KCNJ5: variants seen among roughly 807,000 people sequenced by gnomAD.
KCNJ5 encodes the protein potassium inwardly rectifying channel subfamily J member 5, also known as G protein-activated inward rectifier potassium channel 4.
In KCNJ5, 12 loss-of-function variants were observed where a neutral mutation model predicts 20.2. That is an observed-to-expected ratio of 0.59 (90% CI 0.38 to 0.96). The LOEUF (loss-of-function observed/expected upper bound fraction) is 0.96. Ranked by LOEUF, KCNJ5 falls within the 40% of genes least tolerant of loss-of-function variation. KCNJ5 has a pLI of 0.00. For synonymous variants in KCNJ5, 210 were observed against 213.9 expected, an observed-to-expected ratio of 0.98 and a Z score of 0.16; for missense variants, 449 against 557.6, an observed-to-expected ratio of 0.81 and a Z score of 1.96.
rs1382039850 is a variant in KCNJ5, at chr11:128,912,069, G to A, written c.796G>A (p.Asp266Asn). 1.2e-6 allele frequency: 2 copies of A among 1,613,774 alleles called. No homozygotes were observed. The highest frequency in any genetic ancestry group is 1.7e-6 in the Non-Finnish European group (2 of 1,180,016). Reference protein sequence around the residue: ...DINVGFDTGDDRLFLVSPLII... With the variant: ...DINVGFDTGDNRLFLVSPLII... ...CAACGTGGGCTTTGACACGGGCGAC[G>A]ACCGCCTCTTCCTTGTGTCTCCTCT... The change falls in exon 2 of 3, where the codon GAC becomes AAC. Residue 266 changes from aspartate (D) to asparagine (N), a missense_variant. Asp to Asn is a conservative substitution (Grantham distance 23). Coordinates refer to ENST00000529694, the MANE Select transcript of KCNJ5 (RefSeq NM_000890.5).
At chr11:128,902,254 G>T in intron 1 of KCNJ5, 1 of 444,818 alleles carries the variant, frequency 2.2e-6, no homozygotes, top group Non-Finnish European at 4.1e-6. Context: ...CCATTACATC[G>T]GCGCCAGGAA....
Position 128,911,213 on chromosome 11 carries a change from C to A in KCNJ5, c.-10-51C>A. 1 of 1,470,418 alleles carries A rather than the reference C, an allele frequency of 6.8e-7. No individual in the cohort carries two copies. The highest frequency in any genetic ancestry group is 1.1e-5 in the South Asian group (1 of 87,564). The allele number at this position is 1,470,418 out of a possible 1,614,324, so 91.1% of individuals were successfully genotyped here. ...TGGGGGTGGCCTTCCATCTTGTGTT[C>A]TAGTGAATCAGAACAGCCCACTTCA... On this transcript the variant is annotated intron_variant, in intron 1 of 2. Coordinates refer to ENST00000529694, the MANE Select transcript of KCNJ5 (RefSeq NM_000890.5). This position sits in a 1 kb window ranked among gnomAD's most constrained non-coding sequence, Gnocchi z 6.3.
In KCNJ5 at chr11:128,891,433, C is replaced by CAGAGAGAGAGAGAGAGAGAG. The variant is rs1286900771; in HGVS notation, c.-298_-297insGAGAGAGAGAGAGAGAGAGA. ...ACACACACACACACACACACACACA[C>CAGAGAGAGAGAGAGAGAGAG]ACACACACAGAGAGAGAGAGAGAGA... On this transcript the variant is annotated 5_prime_UTR_variant, in exon 1 of 3. Coordinates refer to ENST00000529694, the MANE Select transcript of KCNJ5 (RefSeq NM_000890.5). The CAGAGAGAGAGAGAGAGAGAG allele has an allele frequency of 1.1e-5, 1 of 88,348 alleles. No individual in the cohort carries two copies. Among genetic ancestry groups the CAGAGAGAGAGAGAGAGAGAG allele is most frequent in the African/African-American group, 4.9e-5 (1 of 20,428 alleles). 5.5% of individuals were successfully genotyped at this position (88,348 alleles called of 1,614,324 possible). A position where few individuals can be genotyped will look rare whatever the true frequency, so the allele number is the denominator to read the frequency against.
chr11:128,902,458 A>G, intron 1 of KCNJ5: 1 of 1,479,324 alleles, frequency 6.8e-7, no homozygotes, highest in Non-Finnish European at 9.2e-7. Context: ...AGGAGAAGGC[A>G]GCGAGGAACC....
At chr11:128,903,918 C>G (rs1344448977) in intron 1 of KCNJ5, among the ~76,000 whole-genome samples, 1 of 152,084 alleles carries the variant, frequency 6.6e-6, no homozygotes, top group Non-Finnish European at 1.5e-5. Context: ...CTCAGAACAA[C>G]CCCATCACAC....
intron 1 of KCNJ5, 33 bp downstream of exon 1, chr11:128,891,754 C>T (rs990652547): frequency 2.0e-5 from 3 of 152,358 alleles, no homozygotes; most frequent in African/African-American, 7.2e-5. Context: ...TCCATTTCTC[C>T]CCCAGCTCGC....
At position 128,911,591 on chromosome 11, in the gene KCNJ5, C is replaced by T; in HGVS notation, c.318C>T (p.Phe106=). Residue 106 remains phenylalanine, a synonymous_variant, in exon 2 of 3, where the codon TTC becomes TTT. Coordinates refer to ENST00000529694, the MANE Select transcript of KCNJ5 (RefSeq NM_000890.5). The surrounding 1 kb of genome is among the most constrained non-coding windows in gnomAD (Gnocchi z 6.3). ...VYTVTWLFFG[F]IWWLIAYIRG... The stretch of plus-strand genomic sequence containing the variant: ...CTGTCACCTGGCTGTTCTTCGGCTT[C>T]ATTTGGTGGCTCATTGCTTATATCC... The T allele has an allele frequency of 6.2e-7, 1 of 1,614,246 alleles. No homozygotes were observed. Among genetic ancestry groups the T allele is most frequent in the South Asian group, 1.1e-5 (1 of 91,082 alleles).
In KCNJ5 at chr11:128,911,243, T is replaced by C; in HGVS notation, c.-10-21T>C. On this transcript the variant is annotated intron_variant, in intron 1 of 2. Transcript: ENST00000529694. This position sits in a 1 kb window ranked among gnomAD's most constrained non-coding sequence, Gnocchi z 6.3. The stretch of plus-strand genomic sequence containing the variant: ...GAATCAGAACAGCCCACTTCACTGA[T>C]GGTGTCTTTTTAACTCAAAGCATCC... The C allele has an allele frequency of 6.3e-7, 1 of 1,589,368 alleles. No individual in the cohort carries two copies. The highest frequency in any genetic ancestry group is 8.6e-7 in the Non-Finnish European group (1 of 1,158,086).
At chr11:128,897,390 G>T (rs543457503) in intron 1 of KCNJ5, among the ~76,000 whole-genome samples, 1 of 152,074 alleles carries the variant, frequency 6.6e-6, no homozygotes, top group South Asian at 2.1e-4. Context: ...GAGCCACCAC[G>T]CCTGGCCTGT....
chr11:128,912,328 A>C (rs1944516860), intron 2 of KCNJ5, 118 bp downstream of exon 2: 1 of 803,348 alleles, frequency 1.2e-6, no homozygotes, highest in Admixed American at 1.8e-5. Flanking sequence ...CGCAGGCAAC[A>C]CATTCAATCC....
intron 2 of KCNJ5, among the ~76,000 whole-genome samples, chr11:128,915,630 G>A (rs1944565480): frequency 6.6e-6 from 1 of 152,250 alleles, no homozygotes; most frequent in Non-Finnish European, 1.5e-5. Flanking sequence ...CTTGCATGTC[G>A]ATTTCTAATT....
Position 128,891,441 on chromosome 11 carries a change from C to CACACAG in KCNJ5, c.-290_-289insCACAGA, listed in dbSNP as rs1160699929. 19 of 54,934 alleles carry CACACAG rather than the reference C, an allele frequency of 3.5e-4. No individual in the cohort carries two copies. In the East Asian group the frequency reaches 4.5e-3, roughly 13 times the overall value. 3.4% of individuals were successfully genotyped at this position (54,934 alleles called of 1,614,324 possible). A position where few individuals can be genotyped will look rare whatever the true frequency, so the allele number is the denominator to read the frequency against. The stretch of plus-strand genomic sequence containing the variant: ...ACACACACACACACACACACACACA[C>CACACAG]AGAGAGAGAGAGAGAGAGAGAGAGA... On this transcript the variant is annotated 5_prime_UTR_variant, in exon 1 of 3. Coordinates refer to ENST00000529694, the MANE Select transcript of KCNJ5 (RefSeq NM_000890.5).
At chr11:128,908,272 T>C (rs975526274) in intron 1 of KCNJ5, among the ~76,000 whole-genome samples, 4 of 152,260 alleles carry the variant, frequency 2.6e-5, no homozygotes, top group African/African-American at 2.4e-5. Flanking sequence ...GTTTGTATCA[T>C]GTATTCTTTC....
chr11:128,909,548 G>A (rs555747290), intron 1 of KCNJ5, among the ~76,000 whole-genome samples: 1 of 152,336 alleles, frequency 6.6e-6, no homozygotes, highest in South Asian at 2.1e-4. Flanking sequence ...TTGGCCCAAG[G>A]TTGGGCTAAT....
intron 1 of KCNJ5, chr11:128,910,013 T>A (rs886468084): frequency 6.6e-6 from 1 of 152,196 alleles, no homozygotes; most frequent in African/African-American, 2.4e-5. Flanking sequence ...GGTCACATGC[T>A]AAGTGAGCTT....
Position 128,891,423 on chromosome 11 carries a change from CACACA to C in KCNJ5, c.-308_-304del, listed in dbSNP as rs1944079816. On this transcript the variant is annotated 5_prime_UTR_variant, in exon 1 of 3. Transcript: ENST00000529694. ...ACACACACACACACACACACACACACACACACACACACACACACAGAGAGAGAGAG... is the reference window on the plus strand; with the variant it reads ...ACACACACACACACACACACACACACCACACACACACACAGAGAGAGAGAG... 1 of 108,554 alleles carries C rather than the reference CACACA, an allele frequency of 9.2e-6. No homozygotes were observed. The highest frequency in any genetic ancestry group is 1.9e-5 in the Non-Finnish European group (1 of 53,840). The allele number at this position is 108,554 out of a possible 1,614,324, so 6.7% of individuals were successfully genotyped here.
intron 1 of KCNJ5, among the ~76,000 whole-genome samples, chr11:128,899,019 T>C (rs1944221753): frequency 6.6e-6 from 1 of 152,228 alleles, no homozygotes; most frequent in South Asian, 2.1e-4. Flanking sequence ...TTATTCTCAA[T>C]GGATTTTTCT....
chr11:128,909,396 A>G (rs1944467860), intron 1 of KCNJ5, among the ~76,000 whole-genome samples: 1 of 152,252 alleles, frequency 6.6e-6, no homozygotes, highest in Admixed American at 6.5e-5. Context: ...TTGAGATTCC[A>G]AAGAAGAAAT....
intron 1 of KCNJ5, 81 bp downstream of exon 1, chr11:128,891,802 T>G (rs552892613): frequency 6.6e-6 from 1 of 152,272 alleles, no homozygotes; most frequent in African/African-American, 2.4e-5. Flanking sequence ...CAGGTGTCCA[T>G]CACCTGGGCA....
Sources: allele counts gnomAD v4.1 joint callset (sites outside exome capture counted in the v4.1 genomes callset), GRCh38; gene constraint gnomAD v4.1.1; non-coding constraint Gnocchi (gnomAD v3.1); transcripts MANE v1.5; gene names NCBI Gene and HGNC (gene_info 2026-07-23, HGNC 2026-07-21).